Variants in NDUFAF2 observed in about 807,000 individuals in gnomAD.
NDUFAF2 encodes NADH:ubiquinone oxidoreductase complex assembly factor 2.
Under a neutral mutation model 22.8 loss-of-function variants are expected in NDUFAF2, and 13 were observed. The ratio of observed to expected loss-of-function variants is 0.57; its 90% CI spans 0.37 to 0.91. The LOEUF is 0.91. Among genes scored for constraint, NDUFAF2 ranks in the 40% least tolerant of loss-of-function variants. The pLI is 0.01. For synonymous variants in NDUFAF2, 53 were observed against 64.2 expected, an observed-to-expected ratio of 0.83 and a Z score of 0.84; for missense variants, 162 against 195.2, an observed-to-expected ratio of 0.83 and a Z score of 1.01.
intron 1 of NDUFAF2, among the ~76,000 whole-genome samples, chr5:61,028,993 T>G (rs368063724): frequency 6.6e-6 from 1 of 152,074 alleles, no homozygotes; most frequent in Admixed American, 6.6e-5. Flanking sequence ...TGCCGTCTTA[T>G]GGAACTCTGT....
chr5:61,115,535 G>T (rs747242681), intron 3 of NDUFAF2: 1 of 152,052 alleles, frequency 6.6e-6, no homozygotes, highest in Non-Finnish European at 1.5e-5. Context: ...TGGACCTCTT[G>T]CTCCCCTCTC....
intron 3 of NDUFAF2, among the ~76,000 whole-genome samples, chr5:61,139,117 A>G (rs159374): frequency 0.63 from 95,140 of 152,092 alleles, 30,591 homozygotes; most frequent in East Asian, 0.94. Flanking sequence ...AATCAAAAAT[A>G]CATTTAATAC....
At chr5:61,125,338 T>C (rs1202492718) in intron 3 of NDUFAF2, among the ~76,000 whole-genome samples, 3 of 152,074 alleles carry the variant, frequency 2.0e-5, no homozygotes. Flanking sequence ...GTATTTTTTT[T>C]TATCATGGCA....
intron 1 of NDUFAF2, among the ~76,000 whole-genome samples, chr5:61,024,368 T>A (rs1429929366): frequency 2.0e-5 from 3 of 152,220 alleles, no homozygotes; most frequent in Non-Finnish European, 2.9e-5. Context: ...ATAAGTCAAA[T>A]GTTTAGTTTG....
intron 3 of NDUFAF2, among the ~76,000 whole-genome samples, chr5:61,117,151 A>G (rs1290640151): frequency 6.6e-6 from 1 of 152,184 alleles, no homozygotes; most frequent in African/African-American, 2.4e-5. Flanking sequence ...AATAACTAAC[A>G]GTTTTAAAAT....
chr5:61,112,276 C>G (rs1306954883), intron 3 of NDUFAF2, among the ~76,000 whole-genome samples: 2 of 147,010 alleles, frequency 1.4e-5, no homozygotes, highest in African/African-American at 5.0e-5. Flanking sequence ...TGCTATGGTG[C>G]CATCTCGGCT....
At chr5:61,089,851 G>T (rs1329184646) in intron 2 of NDUFAF2, among the ~76,000 whole-genome samples, 1 of 151,714 alleles carries the variant, frequency 6.6e-6, no homozygotes, top group African/African-American at 2.4e-5. Context: ...ACATATAACA[G>T]AGTTTCTCCA....
At chr5:61,147,953 GCCTATAGTTCC>G (rs1316723832) in intron 3 of NDUFAF2, among the ~76,000 whole-genome samples, 1 of 152,122 alleles carries the variant, frequency 6.6e-6, no homozygotes, top group Non-Finnish European at 1.5e-5. Context: ...GCAATTTTCA[GCCTATAGTTCC>G]CCAGTATTCT....
chr5:60,947,227 T>C (rs995538153), intron 1 of NDUFAF2, among the ~76,000 whole-genome samples: 2 of 152,240 alleles, frequency 1.3e-5, no homozygotes, highest in African/African-American at 4.8e-5. Flanking sequence ...TACCATTTTG[T>C]ATTCCTGCCA....
chr5:61,007,491 G>A (rs549723505), intron 1 of NDUFAF2, among the ~76,000 whole-genome samples: 25 of 151,962 alleles, frequency 1.6e-4, no homozygotes, highest in African/African-American at 5.5e-4. Flanking sequence ...AGTGGGCAAA[G>A]GATATGAACA....
intron 1 of NDUFAF2, among the ~76,000 whole-genome samples, chr5:61,023,233 T>A (rs1462746189): frequency 6.6e-6 from 1 of 152,124 alleles, no homozygotes; most frequent in Non-Finnish European, 1.5e-5. Context: ...TTTTTTTTTA[T>A]TGAATTTCTC....
chr5:60,946,440 C>A (rs1018785904), intron 1 of NDUFAF2, among the ~76,000 whole-genome samples: 1 of 152,092 alleles, frequency 6.6e-6, no homozygotes, highest in East Asian at 1.9e-4. Context: ...TTTGCCTGGC[C>A]TTTTTCTGTA....
intron 3 of NDUFAF2, among the ~76,000 whole-genome samples, chr5:61,111,595 C>T (rs1263299694): frequency 6.6e-6 from 1 of 151,918 alleles, no homozygotes; most frequent in African/African-American, 2.4e-5. Context: ...CGCCACTACA[C>T]ACAGCTAGGT....
At chr5:61,112,076 G>C (rs1432047520) in intron 3 of NDUFAF2, among the ~76,000 whole-genome samples, 1 of 151,850 alleles carries the variant, frequency 6.6e-6, no homozygotes, top group African/African-American at 2.4e-5. Flanking sequence ...TTTTGTATTG[G>C]GGTCTGTCTC....
chr5:61,059,311 A>G (rs965233410), intron 1 of NDUFAF2, among the ~76,000 whole-genome samples: 11 of 152,142 alleles, frequency 7.2e-5, no homozygotes, highest in African/African-American at 2.7e-4. Flanking sequence ...ACGGTCAATA[A>G]GAGTTTATTG....
At chr5:61,034,880 A>C (rs771884681) in intron 1 of NDUFAF2, among the ~76,000 whole-genome samples, 16 of 150,706 alleles carry the variant, frequency 1.1e-4, no homozygotes, top group Admixed American at 2.7e-4. Context: ...GTATGTGTAC[A>C]TATTTGGGTT....
chr5:61,119,167 G>A (rs1752947714), intron 3 of NDUFAF2, among the ~76,000 whole-genome samples: 1 of 152,138 alleles, frequency 6.6e-6, no homozygotes, highest in Non-Finnish European at 1.5e-5. Context: ...ACAGTAATGT[G>A]CATACAGAAC....
chr5:61,080,074 A>T (rs982411760), intron 2 of NDUFAF2, among the ~76,000 whole-genome samples: 2 of 151,894 alleles, frequency 1.3e-5, no homozygotes, highest in African/African-American at 4.8e-5. Context: ...TTTTTAACAT[A>T]CCTTAATACA....
At chr5:61,134,700 AAAATT>A (rs1740885147) in intron 3 of NDUFAF2, among the ~76,000 whole-genome samples, 1 of 152,070 alleles carries the variant, frequency 6.6e-6, no homozygotes, top group Non-Finnish European at 1.5e-5. Flanking sequence ...AACAAAAACA[AAAATT>A]AAAAGAAATT....
Sources: gnomAD v4.1 joint callset for allele counts (sites outside exome capture counted in the v4.1 genomes callset) on GRCh38, gnomAD v4.1.1 for gene constraint, MANE v1.5 for transcripts, NCBI Gene and HGNC (gene_info 2026-07-23, HGNC 2026-07-21) for gene names.